GPATCH2: variants seen among roughly 807,000 people sequenced by gnomAD.
GPATCH2 encodes the protein G-patch domain containing 2, also known as G patch domain-containing protein 2.
Under a neutral mutation model 58.0 loss-of-function variants are expected in GPATCH2, and 51 were observed. The observed-to-expected ratio is 0.88, with a 90% CI of 0.70 to 1.11. The LOEUF (loss-of-function observed/expected upper bound fraction) is 1.11. GPATCH2 is among the 50% of genes most tolerant of loss of function. The pLI is 0.00. For missense variants in GPATCH2, 625 were observed against 652.2 expected (o/e 0.96, Z 0.45); for synonymous variants, 222 against 218.5 (o/e 1.02, Z -0.14).
intron 5 of GPATCH2, chr1:217,608,401 A>T: frequency 1.0e-6 from 1 of 984,454 alleles, no homozygotes. Flanking sequence ...TGTCTCCATC[A>T]AGTGAAACTT....
At chr1:217,595,763 G>A (rs537409654) in intron 5 of GPATCH2, among the ~76,000 whole-genome samples, 107 of 152,186 alleles carry the variant, frequency 7.0e-4, no homozygotes, top group African/African-American at 2.6e-3. Flanking sequence ...GCCTCCCAAA[G>A]TGCTGGGATT....
Position 217,620,214 on chromosome 1 carries a change from G to A in GPATCH2, c.342C>T (p.His114=). ...CTAACATTTGGTCATCAGAGTCACT[G>A]TGATCTTTTTTATTATTATTGTGAT... ...RENHNNNKKD[H]SDSDDQMLVA... The change falls in exon 2 of 10, where the codon CAC becomes CAT. Residue 114 remains histidine, a synonymous_variant. Coordinates refer to ENST00000366935, the MANE Select transcript of GPATCH2 (RefSeq NM_018040.5). 6.2e-7 allele frequency: 1 copy of A among 1,613,854 alleles called. No homozygotes were observed.
At chr1:217,522,446 C>T (rs539252792) in intron 5 of GPATCH2, among the ~76,000 whole-genome samples, 8 of 152,108 alleles carry the variant, frequency 5.3e-5, no homozygotes, top group Non-Finnish European at 7.4e-5. Context: ...TTCACTTTGC[C>T]GTCCAGTTTT....
At chr1:217,479,728 A>AT (rs1661133179) in intron 8 of GPATCH2, among the ~76,000 whole-genome samples, 1 of 152,174 alleles carries the variant, frequency 6.6e-6, no homozygotes, top group South Asian at 2.1e-4. Flanking sequence ...GGCTGAATGG[A>AT]TAAAAATTCA....
chr1:217,605,784 A>C (rs1485609868), intron 5 of GPATCH2, among the ~76,000 whole-genome samples: 1 of 152,240 alleles, frequency 6.6e-6, no homozygotes. Context: ...ATGTATGCTT[A>C]CATAAGGTTA....
In GPATCH2 at chr1:217,527,126, A is replaced by G. The variant is rs570914849; in HGVS notation, c.1099-12237T>C. Reference sequence around the variant, plus strand: ...TTATGTATTACAATGTAATAATGATATAATTATTTCATTATGTATTACAAT... The same window carrying G: ...TTATGTATTACAATGTAATAATGATGTAATTATTTCATTATGTATTACAAT... On this transcript the variant is annotated intron_variant, in intron 5 of 9. Coordinates refer to ENST00000366935, the MANE Select transcript of GPATCH2 (RefSeq NM_018040.5). 2.6e-5 allele frequency among the ~76,000 whole-genome samples: 4 copies of G among 151,926 alleles called. No individual in the cohort carries two copies. In the South Asian group the frequency reaches 8.3e-4, roughly 32 times the overall value.
intron 5 of GPATCH2, among the ~76,000 whole-genome samples, chr1:217,536,355 C>CTCTG (rs1419280381): frequency 1.3e-5 from 2 of 152,178 alleles, no homozygotes. Flanking sequence ...AAGTACAACA[C>CTCTG]TCTGGCAAAC....
intron 9 of GPATCH2, among the ~76,000 whole-genome samples, chr1:217,432,401 G>A (rs1218913081): frequency 1.3e-5 from 2 of 152,076 alleles, no homozygotes; most frequent in Non-Finnish European, 2.9e-5. Context: ...GAAAAACTCA[G>A]AAGTACTAGA....
At chr1:217,596,439 A>G (rs941787055) in intron 5 of GPATCH2, among the ~76,000 whole-genome samples, 4 of 152,180 alleles carry the variant, frequency 2.6e-5, no homozygotes, top group Admixed American at 1.3e-4. Flanking sequence ...TTTGTCCCTC[A>G]GTTTCCTGGT....
At chr1:217,616,718 C>T (rs1668904429) in intron 2 of GPATCH2, among the ~76,000 whole-genome samples, 1 of 152,062 alleles carries the variant, frequency 6.6e-6, no homozygotes, top group Non-Finnish European at 1.5e-5. Context: ...CCAAAGACAC[C>T]CTTTCCTTGG....
At chr1:217,495,156 A>C (rs749893344) in intron 7 of GPATCH2, 29 of 222,436 alleles carry the variant, frequency 1.3e-4, no homozygotes, top group Non-Finnish European at 2.0e-4. Flanking sequence ...CAATTGGAAA[A>C]ACTGCTGAAT....
chr1:217,541,571 C>T (rs1664744249), intron 5 of GPATCH2, among the ~76,000 whole-genome samples: 1 of 151,996 alleles, frequency 6.6e-6, no homozygotes, highest in Non-Finnish European at 1.5e-5. Context: ...GAAAAGAGCT[C>T]ATTTCATTTT....
At chr1:217,544,255 G>C (rs576470545) in intron 5 of GPATCH2, among the ~76,000 whole-genome samples, 1 of 152,146 alleles carries the variant, frequency 6.6e-6, no homozygotes, top group Non-Finnish European at 1.5e-5. Context: ...TTAGCCGGAT[G>C]TGGTGGTACA....
intron 5 of GPATCH2, among the ~76,000 whole-genome samples, chr1:217,601,316 A>G (rs1162690313): frequency 6.6e-6 from 1 of 152,122 alleles, no homozygotes; most frequent in African/African-American, 2.4e-5. Flanking sequence ...GAGGTGATGG[A>G]CATCGTAATT....
chr1:217,476,067 A>T (rs1473667565), intron 8 of GPATCH2, among the ~76,000 whole-genome samples: 1 of 152,132 alleles, frequency 6.6e-6, no homozygotes, highest in African/African-American at 2.4e-5. Flanking sequence ...GAGGCGTCTG[A>T]TGAGTTTAGG....
chr1:217,494,227 A>G (rs944375090), intron 7 of GPATCH2, among the ~76,000 whole-genome samples: 2 of 152,232 alleles, frequency 1.3e-5, no homozygotes, highest in African/African-American at 2.4e-5. Flanking sequence ...ACTTAATGCA[A>G]TGCATCTATA....
rs566289597 is a variant in GPATCH2 at position 217,497,223 on chromosome 1, A to G, written c.1206+1133T>C. 3.9e-5 allele frequency among the ~76,000 whole-genome samples: 6 copies of G among 152,286 alleles called. No homozygotes were observed. The East Asian group carries it at 9.6e-4, about 24-fold the overall frequency. The stretch of plus-strand genomic sequence containing the variant: ...ATATTATTGTAAGCATTGTACATAG[A>G]GGGATAAGAACCATTTAGGAAAGCA... On this transcript the variant is annotated intron_variant, in intron 7 of 9. Transcript: ENST00000366935.
chr1:217,503,867 G>T (rs1353711404), intron 6 of GPATCH2, among the ~76,000 whole-genome samples: 2 of 152,108 alleles, frequency 1.3e-5, no homozygotes, highest in South Asian at 4.1e-4. Flanking sequence ...TACCCAACAT[G>T]CATTGAGCCC....
intron 5 of GPATCH2, among the ~76,000 whole-genome samples, chr1:217,575,958 C>T (rs12027368): frequency 0.015 from 2,231 of 152,020 alleles, 51 homozygotes; most frequent in East Asian, 0.1. Context: ...TCCAAGACAC[C>T]GTGAGTGCAA....
Sources: allele counts gnomAD v4.1 joint callset (sites outside exome capture counted in the v4.1 genomes callset), GRCh38; gene constraint gnomAD v4.1.1; transcripts MANE v1.5; gene names NCBI Gene and HGNC (gene_info 2026-07-23, HGNC 2026-07-21).